KIAA0825: variants seen among roughly 807,000 people sequenced by gnomAD.
The protein encoded by KIAA0825 is KIAA0825.
In KIAA0825, 119 loss-of-function variants were observed where a neutral mutation model predicts 147.6. That is an observed-to-expected ratio of 0.81 (90% CI 0.69 to 0.94). The LOEUF is 0.94. KIAA0825 is among the 40% of genes least tolerant of loss of function. The pLI, the probability that KIAA0825 is intolerant of heterozygous loss-of-function variation, is 0.00. For missense variants in KIAA0825, 1,381 were observed against 1,472.7 expected (o/e 0.94, Z 1.02); for synonymous variants, 470 against 518.1 (o/e 0.91, Z 1.26).
chr5:94,479,992 C>G (rs765782096), intron 6 of KIAA0825, among the ~76,000 whole-genome samples: 3 of 152,016 alleles, frequency 2.0e-5, no homozygotes, highest in Non-Finnish European at 4.4e-5. Flanking sequence ...AGTTCTTTAT[C>G]ATATATGTGT....
intron 20 of KIAA0825, among the ~76,000 whole-genome samples, chr5:94,170,930 G>GTT (rs1214149510): frequency 1.3e-5 from 2 of 152,194 alleles, no homozygotes; most frequent in African/African-American, 4.8e-5. Context: ...ATCTCACTAT[G>GTT]TTTTGATGGG....
chr5:94,483,728 A>T (rs193277256), intron 6 of KIAA0825, among the ~76,000 whole-genome samples: 14 of 151,996 alleles, frequency 9.2e-5, no homozygotes, highest in African/African-American at 3.4e-4. Flanking sequence ...GAAACAAAGA[A>T]GGCCAGTAAA....
At chr5:94,336,264 T>C (rs1180425336) in intron 20 of KIAA0825, among the ~76,000 whole-genome samples, 1 of 150,842 alleles carries the variant, frequency 6.6e-6, no homozygotes, top group Non-Finnish European at 1.5e-5. Flanking sequence ...TTTCTTTCTT[T>C]TTTTTTTTTT....
intron 2 of KIAA0825, among the ~76,000 whole-genome samples, chr5:94,562,101 A>AAAT (rs1777660927): frequency 6.6e-6 from 1 of 152,186 alleles, no homozygotes; most frequent in Admixed American, 6.5e-5. Flanking sequence ...CAAAAAAAGG[A>AAAT]TGTTAGATAA....
chr5:94,328,417 C>T (rs1780921192), intron 20 of KIAA0825, among the ~76,000 whole-genome samples: 1 of 151,962 alleles, frequency 6.6e-6, no homozygotes, highest in African/African-American at 2.4e-5. Flanking sequence ...TAAAATGATT[C>T]CATTTTCTCA....
chr5:94,221,924 GC>G (rs1446115340), intron 20 of KIAA0825, among the ~76,000 whole-genome samples: 1 of 152,050 alleles, frequency 6.6e-6, no homozygotes, highest in Non-Finnish European at 1.5e-5. Context: ...CTGCATCAAG[GC>G]CCATTTTTTT....
At chr5:94,336,655 C>T (rs572649931) in intron 20 of KIAA0825, among the ~76,000 whole-genome samples, 1 of 152,238 alleles carries the variant, frequency 6.6e-6, no homozygotes, top group African/African-American at 2.4e-5. Context: ...TTTATCTAGT[C>T]TATCATTGAT....
chr5:94,491,223 G>A (rs924609565), intron 5 of KIAA0825, among the ~76,000 whole-genome samples: 6 of 152,084 alleles, frequency 3.9e-5, no homozygotes, highest in Admixed American at 2.6e-4. Context: ...GACAAGCGAC[G>A]TAAAAAGAGG....
In KIAA0825 at chr5:94,310,190, T is replaced by C. The variant is rs145272193; in HGVS notation, c.3710+74178A>G. On this transcript the variant is annotated intron_variant, in intron 20 of 20. Transcript: ENST00000682413. ...GGAAAATAGATAAAAGGTAGCTTTA[T>C]CTCTATTTCTTGTTATTCTCATTGC... is the stretch of plus-strand genomic sequence containing the variant. 2.1e-3 allele frequency among the ~76,000 whole-genome samples: 324 copies of C among 151,828 alleles called. 3 individuals carry two copies. The highest frequency in any genetic ancestry group is 7.6e-3 in the African/African-American group (317 of 41,500).
chr5:94,375,412 A>G (rs1468579885), intron 20 of KIAA0825, among the ~76,000 whole-genome samples: 3 of 151,964 alleles, frequency 2.0e-5, no homozygotes, highest in African/African-American at 7.3e-5. Flanking sequence ...CTCAATCTCT[A>G]GCCATAATCT....
At chr5:94,551,710 G>A (rs1775573377) in intron 2 of KIAA0825, among the ~76,000 whole-genome samples, 2 of 151,928 alleles carry the variant, frequency 1.3e-5, no homozygotes, top group South Asian at 2.1e-4. Flanking sequence ...AATACTTAAG[G>A]GAGTCCTACA....
In KIAA0825 at chr5:94,465,057, C is replaced by A; in HGVS notation, c.1875G>T (p.Gly625=). 1 of 1,550,916 alleles carries A rather than the reference C, an allele frequency of 6.4e-7. No individual in the cohort carries two copies. Among genetic ancestry groups the A allele is most frequent in the South Asian group, 1.2e-5 (1 of 83,944 alleles). The change falls in exon 11 of 21, where the codon GGG becomes GGT. Residue 625 remains glycine (G), a splice_region_variant and synonymous_variant. Transcript: ENST00000682413. The stretch of plus-strand genomic sequence containing the variant: ...TCTGGATCGAGAAGGAACATCTTTC[C>A]CCCTGGCAAAGCCAGCACACGTTAA... ...HWDDYKAFYE[G]ERCSFSIQMW... is the part of the protein sequence containing the mutation.
chr5:94,518,166 C>T (rs989062807), intron 5 of KIAA0825, among the ~76,000 whole-genome samples: 3 of 152,080 alleles, frequency 2.0e-5, no homozygotes, highest in Non-Finnish European at 2.9e-5. Context: ...TAATACAACC[C>T]ATTCGAGCCA....
intron 20 of KIAA0825, among the ~76,000 whole-genome samples, chr5:94,227,033 C>T (rs915588435): frequency 6.6e-6 from 1 of 151,700 alleles, no homozygotes; most frequent in African/African-American, 2.4e-5. Flanking sequence ...TTGACCCAGC[C>T]ATCCCATTAC....
chr5:94,602,633 C>G (rs1403795590), intron 1 of KIAA0825, among the ~76,000 whole-genome samples: 2 of 152,096 alleles, frequency 1.3e-5, no homozygotes, highest in African/African-American at 2.4e-5. Context: ...ACGGGCTTCC[C>G]TCTTCACTTG....
chr5:94,268,335 G>A (rs1167389941), intron 20 of KIAA0825, among the ~76,000 whole-genome samples: 2 of 152,120 alleles, frequency 1.3e-5, no homozygotes, highest in African/African-American at 4.8e-5. Context: ...ACACAACTCT[G>A]GGCGGGCTGG....
chr5:94,519,004 T>A (rs1767691435), intron 5 of KIAA0825, among the ~76,000 whole-genome samples: 1 of 152,044 alleles, frequency 6.6e-6, no homozygotes, highest in Non-Finnish European at 1.5e-5. Flanking sequence ...ACTAATAAAG[T>A]GCATTTTAAA....
At chr5:94,540,558 T>G (rs1773085943) in intron 2 of KIAA0825, among the ~76,000 whole-genome samples, 1 of 152,220 alleles carries the variant, frequency 6.6e-6, no homozygotes, top group African/African-American at 2.4e-5. Context: ...TGTATTTATA[T>G]GTGTTGTGTG....
intron 19 of KIAA0825, 49 bp downstream of exon 19, chr5:94,386,193 T>G (rs1191901376): frequency 1.3e-6 from 2 of 1,492,928 alleles, no homozygotes; most frequent in African/African-American, 1.4e-5. Context: ...TTTTCTTACT[T>G]GGGTAAAGAA....
Sources: allele counts gnomAD v4.1 joint callset (sites outside exome capture counted in the v4.1 genomes callset), GRCh38; gene constraint gnomAD v4.1.1; transcripts MANE v1.5; gene names NCBI Gene and HGNC (gene_info 2026-07-23, HGNC 2026-07-21).